MACROD2: variants seen among roughly 807,000 people sequenced by gnomAD.
MACROD2 encodes the protein ADP-ribose glycohydrolase MACROD2.
A neutral mutation model predicts 70.4 loss-of-function variants in MACROD2; 36 were observed. The observed-to-expected ratio is 0.51, with a 90% CI of 0.39 to 0.68. The LOEUF (loss-of-function observed/expected upper bound fraction) is 0.68. Ranked by LOEUF, MACROD2 falls within the 30% of genes least tolerant of loss-of-function variation. The pLI is 0.00. For synonymous variants in MACROD2, 172 were observed against 178.8 expected (o/e 0.96, Z 0.30); for missense variants, 496 against 538.4 (o/e 0.92, Z 0.78).
At chr20:15,496,926 A>G (rs1173278840) in intron 7 of MACROD2, among the ~76,000 whole-genome samples, 1 of 152,218 alleles carries the variant, frequency 6.6e-6, no homozygotes, top group Non-Finnish European at 1.5e-5. Context: ...AAAGGAGCAC[A>G]GCTGTCAACT....
At chr20:15,940,649 G>T (rs2065738739) in intron 12 of MACROD2, among the ~76,000 whole-genome samples, 1 of 152,204 alleles carries the variant, frequency 6.6e-6, no homozygotes, top group Non-Finnish European at 1.5e-5. Context: ...GTTGCTGAAG[G>T]CTCAGATGAT....
intron 3 of MACROD2, among the ~76,000 whole-genome samples, chr20:14,241,063 C>G (rs2081924979): frequency 6.6e-6 from 1 of 152,132 alleles, no homozygotes; most frequent in African/African-American, 2.4e-5. Context: ...TTGCAGTGAG[C>G]CGAGATTGCA....
At chr20:14,120,120 A>G (rs6110171) in intron 3 of MACROD2, among the ~76,000 whole-genome samples, 18,925 of 145,364 alleles carry the variant, frequency 0.13, 1,630 homozygotes, top group South Asian at 0.34. Flanking sequence ...GGCTGAGGCA[A>G]GGGAATTGCT....
chr20:14,794,830 G>GA (rs2072492550), intron 5 of MACROD2, among the ~76,000 whole-genome samples: 1 of 151,900 alleles, frequency 6.6e-6, no homozygotes, highest in East Asian at 1.9e-4. Flanking sequence ...GAGACAAGTA[G>GA]AAAAACAGCA....
intron 6 of MACROD2, among the ~76,000 whole-genome samples, chr20:15,359,548 A>T (rs951318267): frequency 2.0e-4 from 30 of 151,702 alleles, no homozygotes; most frequent in Admixed American, 1.9e-3. Context: ...ATAAGAAATT[A>T]ATAAATTTTA....
intron 5 of MACROD2, chr20:15,196,821 C>T: frequency 1.0e-6 from 1 of 980,826 alleles, no homozygotes; most frequent in Non-Finnish European, 1.2e-6. Flanking sequence ...TCCCTTCTGC[C>T]TTGAAGTGCC....
At position 15,186,435 on chromosome 20, in the gene MACROD2, G is replaced by A. The variant is rs185797677; in HGVS notation, c.419-43505G>A. ...TTATGGAATATTTTAAAATATCAGTGTGTGTGGGTCTTGTCTTCATAATTG... is the reference window on the plus strand; with the variant it reads ...TTATGGAATATTTTAAAATATCAGTATGTGTGGGTCTTGTCTTCATAATTG... On this transcript the variant is annotated intron_variant, in intron 5 of 17. Transcript: ENST00000684519. Among the ~76,000 whole-genome samples the A allele has an allele frequency of 2.4e-3, 364 of 152,224 alleles. 2 individuals carry two copies. Among genetic ancestry groups the A allele is most frequent in the African/African-American group, 7.5e-3 (312 of 41,540 alleles).
chr20:15,383,117 C>G (rs571760411), intron 6 of MACROD2, among the ~76,000 whole-genome samples: 1 of 152,250 alleles, frequency 6.6e-6, no homozygotes, highest in Admixed American at 6.5e-5. Flanking sequence ...GAAGAAAAAG[C>G]TTCTCATTCA....
intron 5 of MACROD2, among the ~76,000 whole-genome samples, chr20:15,220,938 G>A (rs559988387): frequency 6.6e-6 from 1 of 152,284 alleles, no homozygotes; most frequent in East Asian, 1.9e-4. Context: ...GATTGCAGAA[G>A]AGTCTTTCTT....
intron 12 of MACROD2, among the ~76,000 whole-genome samples, chr20:15,951,986 G>C (rs773977741): frequency 6.6e-6 from 1 of 152,072 alleles, no homozygotes. Context: ...GGAGGGACCC[G>C]GTGGGAGGTA....
chr20:15,806,449 C>G (rs1384814125), intron 8 of MACROD2, among the ~76,000 whole-genome samples: 1 of 152,162 alleles, frequency 6.6e-6, no homozygotes, highest in African/African-American at 2.4e-5. Flanking sequence ...ATAGAATGCT[C>G]AACACAAGGC....
chr20:15,253,012 T>C (rs184074880), intron 6 of MACROD2, among the ~76,000 whole-genome samples: 1 of 152,328 alleles, frequency 6.6e-6, no homozygotes, highest in East Asian at 1.9e-4. Context: ...TAGAACCGTA[T>C]ACATTTTGGT....
At chr20:15,432,279 C>T (rs1438740558) in intron 7 of MACROD2, among the ~76,000 whole-genome samples, 2 of 152,146 alleles carry the variant, frequency 1.3e-5, no homozygotes, top group South Asian at 4.1e-4. Flanking sequence ...AGGAGCTTTA[C>T]TTTTTTTCTT....
intron 6 of MACROD2, among the ~76,000 whole-genome samples, chr20:15,248,434 G>A (rs535918818): frequency 6.2e-4 from 94 of 152,144 alleles, no homozygotes; most frequent in South Asian, 1.2e-3. Context: ...GGCCACCTCT[G>A]GCTTAAACCC....
At chr20:15,787,042 G>A (rs1226785936) in intron 8 of MACROD2, among the ~76,000 whole-genome samples, 2 of 151,418 alleles carry the variant, frequency 1.3e-5, no homozygotes, top group African/African-American at 2.4e-5. Context: ...GTGTGATCTC[G>A]GCTCACTGCA....
In MACROD2 at chr20:16,049,822, G is replaced by A. The variant is rs1435745511; in HGVS notation, c.1301-8G>A. Reference sequence around the variant, plus strand: ...TTAATCTAACAAATGGCTTCTCTTTGTCTTCAGCAGGGGCACAAGATGAAG... The same window carrying A: ...TTAATCTAACAAATGGCTTCTCTTTATCTTCAGCAGGGGCACAAGATGAAG... On this transcript the variant is annotated splice_polypyrimidine_tract_variant and splice_region_variant and intron_variant, in intron 17 of 17. Transcript: ENST00000684519. 6.2e-7 allele frequency: 1 copy of A among 1,612,850 alleles called. No homozygotes were observed. Among genetic ancestry groups the A allele is most frequent in the Admixed American group, 1.7e-5 (1 of 59,938 alleles).
intron 4 of MACROD2, among the ~76,000 whole-genome samples, chr20:14,675,672 T>C (rs1386055456): frequency 2.0e-5 from 3 of 152,122 alleles, no homozygotes; most frequent in Non-Finnish European, 4.4e-5. Context: ...CCAGCTAGCA[T>C]CATAATGACA....
chr20:15,171,169 A>T (rs942057165), intron 5 of MACROD2, among the ~76,000 whole-genome samples: 3 of 152,120 alleles, frequency 2.0e-5, no homozygotes, highest in African/African-American at 7.2e-5. Context: ...GTTTATTGGC[A>T]GTACTTAGAC....
chr20:15,194,957 A>G (rs2076595632), intron 5 of MACROD2, among the ~76,000 whole-genome samples: 1 of 152,180 alleles, frequency 6.6e-6, no homozygotes, highest in African/African-American at 2.4e-5. Context: ...TTGTGGTATT[A>G]AAGAATCGTT....
Sources: allele counts gnomAD v4.1 joint callset (sites outside exome capture counted in the v4.1 genomes callset), GRCh38; gene constraint gnomAD v4.1.1; transcripts MANE v1.5; gene names NCBI Gene and HGNC (gene_info 2026-07-23, HGNC 2026-07-21).